The following TTC28 variants were observed in gnomAD, a reference collection of about 807,000 sequenced individuals.
TTC28 encodes the protein tetratricopeptide repeat protein 28.
Under a neutral mutation model 198.0 loss-of-function variants are expected in TTC28, and 61 were observed. The ratio of observed to expected loss-of-function variants is 0.31; its 90% CI spans 0.25 to 0.38. TTC28 has a LOEUF of 0.38. Ranked by LOEUF, TTC28 falls within the 10% of genes least tolerant of loss-of-function variation. The pLI, the probability that TTC28 is intolerant of heterozygous loss-of-function variation, is 1.00. For synonymous variants in TTC28, 1,171 were observed against 1,297.8 expected, an observed-to-expected ratio of 0.90 and a Z score of 2.10; for missense variants, 2,678 against 3,164.0, an observed-to-expected ratio of 0.85 and a Z score of 3.69.
At chr22:28,469,319 G>C (rs954360733) in intron 2 of TTC28, among the ~76,000 whole-genome samples, 1 of 152,186 alleles carries the variant, frequency 6.6e-6, no homozygotes, top group Non-Finnish European at 1.5e-5. Flanking sequence ...CAGAAAAAGG[G>C]AGAACCACGA....
At position 28,363,079 on chromosome 22, in the gene TTC28, G is replaced by C. The variant is rs759000551; in HGVS notation, c.382-56436C>G. Among the ~76,000 whole-genome samples, 76 of 152,272 alleles carry C rather than the reference G, an allele frequency of 5.0e-4. 1 individual carries two copies. The highest frequency in any genetic ancestry group is 8.7e-4 in the Non-Finnish European group (59 of 68,004). ...CTGAATGTTAATCCCCAAGACAATG[G>C]GGAAAATGTCAGCCCTGGAGAAAGC... On this transcript the variant is annotated intron_variant, in intron 2 of 22. Transcript: ENST00000397906.
chr22:28,328,042 A>G (rs1170511778), intron 2 of TTC28, among the ~76,000 whole-genome samples: 1 of 152,200 alleles, frequency 6.6e-6, no homozygotes, highest in East Asian at 1.9e-4. Flanking sequence ...CAGGGAGTAA[A>G]CACACAGTTA....
At chr22:28,280,740 G>T (rs546259488) in intron 5 of TTC28, among the ~76,000 whole-genome samples, 1 of 152,214 alleles carries the variant, frequency 6.6e-6, no homozygotes, top group East Asian at 1.9e-4. Context: ...TTTTCCTTCA[G>T]AATGGAAAAT....
chr22:28,209,979 A>G (rs1448090235), intron 5 of TTC28, among the ~76,000 whole-genome samples: 1 of 152,194 alleles, frequency 6.6e-6, no homozygotes, highest in Non-Finnish European at 1.5e-5. Context: ...GCTGTACTGC[A>G]ATATTTGCTG....
chr22:28,320,447 A>G (rs1170153935), intron 2 of TTC28, among the ~76,000 whole-genome samples: 1 of 152,186 alleles, frequency 6.6e-6, no homozygotes, highest in East Asian at 1.9e-4. Flanking sequence ...AATCTGACAT[A>G]AATTGTACTT....
At position 28,133,252 on chromosome 22, in the gene TTC28, A is replaced by T. The variant is rs114523956; in HGVS notation, c.1442-24849T>A. Among the ~76,000 whole-genome samples the T allele has an allele frequency of 9.4e-3, 1,438 of 152,260 alleles. 19 individuals are homozygous for T. Among genetic ancestry groups the T allele is most frequent in the African/African-American group, 0.026 (1,067 of 41,548 alleles). ...AAAAATAAATAAATAGGGAGTTCCA[A>T]GATGGCCAAATAGGATCAGCTCAGG... On this transcript the variant is annotated intron_variant, in intron 6 of 22. Transcript: ENST00000397906.
chr22:28,102,361 G>A (rs925426810), intron 8 of TTC28, among the ~76,000 whole-genome samples: 4 of 152,284 alleles, frequency 2.6e-5, no homozygotes, highest in African/African-American at 9.6e-5. Context: ...AGCCTTAAAT[G>A]AAACCATCCT....
At chr22:28,126,043 CT>C (rs1259326259) in intron 6 of TTC28, among the ~76,000 whole-genome samples, 1 of 152,100 alleles carries the variant, frequency 6.6e-6, no homozygotes, top group Non-Finnish European at 1.5e-5. Context: ...CACTGTACCC[CT>C]GAGGCAAAAA....
At chr22:28,469,814 T>C (rs910322402) in intron 2 of TTC28, among the ~76,000 whole-genome samples, 1 of 152,158 alleles carries the variant, frequency 6.6e-6, no homozygotes, top group Admixed American at 6.5e-5. Context: ...TTTCTAATTT[T>C]TTATTTCATT....
At chr22:28,455,705 C>T (rs944349554) in intron 2 of TTC28, among the ~76,000 whole-genome samples, 15 of 148,600 alleles carry the variant, frequency 1.0e-4, no homozygotes, top group African/African-American at 3.5e-4. Flanking sequence ...CAAAGTGAGA[C>T]TCTTTCCCAA....
chr22:28,434,781 T>C (rs1177751351), intron 2 of TTC28, among the ~76,000 whole-genome samples: 1 of 152,228 alleles, frequency 6.6e-6, no homozygotes, highest in African/African-American at 2.4e-5. Context: ...ATTGAGTTTT[T>C]GGAAGAGTGT....
intron 14 of TTC28, chr22:28,007,934 G>C (rs1937991420): frequency 6.6e-6 from 1 of 152,126 alleles, no homozygotes; most frequent in African/African-American, 2.4e-5. Flanking sequence ...GTCCTTGGGT[G>C]ATGTCTGTCC....
chr22:28,194,304 G>A (rs1925178326), intron 5 of TTC28, among the ~76,000 whole-genome samples: 2 of 152,150 alleles, frequency 1.3e-5, no homozygotes, highest in South Asian at 4.1e-4. Context: ...GAAATTTATA[G>A]CACTAAATGC....
At chr22:28,334,100 T>A (rs1421708100) in intron 2 of TTC28, among the ~76,000 whole-genome samples, 1 of 149,880 alleles carries the variant, frequency 6.7e-6, no homozygotes, top group Non-Finnish European at 1.5e-5. Context: ...CAACATAAGG[T>A]GTTTGGTTTT....
chr22:28,609,049 A>G (rs2050777960), intron 2 of TTC28, among the ~76,000 whole-genome samples: 1 of 152,184 alleles, frequency 6.6e-6, no homozygotes, highest in African/African-American at 2.4e-5. Flanking sequence ...ACTGGGGGAA[A>G]AAAAGCAGTA....
At chr22:28,065,137 T>C (rs781737028) in intron 12 of TTC28, among the ~76,000 whole-genome samples, 6 of 152,114 alleles carry the variant, frequency 3.9e-5, no homozygotes, top group Admixed American at 6.5e-5. Context: ...CAAAACCTCA[T>C]TGGGTCAGCC....
Position 27,992,628 on chromosome 22 carries a change from G to A in TTC28, c.5512C>T (p.Leu1838Phe). 29 of 1,551,690 alleles carry A rather than the reference G, an allele frequency of 1.9e-5. No individual in the cohort carries two copies. Among genetic ancestry groups the A allele is most frequent in the Non-Finnish European group, 2.5e-5 (29 of 1,146,984 alleles). Reference protein sequence around the residue: ...PNPALQALCKLITASETGEQL... With the variant: ...PNPALQALCKFITASETGEQL... ...TCGCCCGTCTCGGAGGCAGTGATGA[G>A]TTTGCAAAGGGCTTGGAGGGCAGGA... The change falls in exon 19 of 23, where the codon CTC (leucine) becomes TTC (phenylalanine). Residue 1838 changes from leucine to phenylalanine, a missense_variant. Leu to Phe is a conservative substitution (Grantham distance 22). Around this residue, in one of 8 missense-constraint regions of TTC28, gnomAD observed 314 missense variants for 442.7 expected, o/e 0.71. Transcript: ENST00000397906.
intron 5 of TTC28, among the ~76,000 whole-genome samples, chr22:28,191,211 A>G (rs1304919337): frequency 6.6e-6 from 1 of 152,222 alleles, no homozygotes; most frequent in Non-Finnish European, 1.5e-5. Flanking sequence ...TACTTGATTC[A>G]AATTATGCTA....
At chr22:28,028,106 G>A (rs893033849) in intron 13 of TTC28, among the ~76,000 whole-genome samples, 1 of 152,228 alleles carries the variant, frequency 6.6e-6, no homozygotes, top group South Asian at 2.1e-4. Context: ...GAAGCGAGAA[G>A]AACGCCGGCT....
Sources: gnomAD v4.1 joint callset for allele counts (sites outside exome capture counted in the v4.1 genomes callset) on GRCh38, gnomAD v4.1.1 for gene constraint, gnomAD v4.1.1 regional missense constraint, MANE v1.5 for transcripts, NCBI Gene and HGNC (gene_info 2026-07-23, HGNC 2026-07-21) for gene names.